Variants in TMEM272 observed in about 807,000 individuals in gnomAD.
TMEM272 encodes long intergenic non-protein coding RNA 282.
In TMEM272, 8 loss-of-function variants were observed where a neutral mutation model predicts 3.7. That is an observed-to-expected ratio of 2.17 (90% CI 1.27 to 3.91). The LOEUF (loss-of-function observed/expected upper bound fraction) is 3.91. TMEM272 is among the 30% of genes most tolerant of loss of function. TMEM272 has a pLI of 0.00. For missense variants in TMEM272, 166 were observed against 91.5 expected, an observed-to-expected ratio of 1.81 and a Z score of -3.32; for synonymous variants, 63 against 39.8, an observed-to-expected ratio of 1.58 and a Z score of -2.20.
chr13:51,886,702 T>A, the TMEM272 span, among the ~76,000 whole-genome samples: 1 of 152,248 alleles, frequency 6.6e-6, no homozygotes, highest in African/African-American at 2.4e-5. Context: ...TGGGGCAGTA[T>A]CTTGGAGCTG....
chr13:51,904,187 G>T, the TMEM272 span, among the ~76,000 whole-genome samples: 1 of 152,192 alleles, frequency 6.6e-6, no homozygotes, highest in African/African-American at 2.4e-5. Flanking sequence ...GCTTTGCAGT[G>T]ATGATGACAA....
the TMEM272 span, among the ~76,000 whole-genome samples, chr13:51,928,783 G>C: frequency 6.6e-6 from 1 of 152,188 alleles, no homozygotes; most frequent in Non-Finnish European, 1.5e-5. Flanking sequence ...TTTCTGTCCA[G>C]GGGTTTGAGG....
At chr13:51,832,371 T>C (rs1027105584) in intron 2 of TMEM272, among the ~76,000 whole-genome samples, 10 of 152,208 alleles carry the variant, frequency 6.6e-5, no homozygotes, top group African/African-American at 2.4e-4. Context: ...CTGTTTCCTA[T>C]GAATAGCAAG....
At chr13:51,856,646 CA>C in the TMEM272 span, among the ~76,000 whole-genome samples, 1 of 152,064 alleles carries the variant, frequency 6.6e-6, no homozygotes, top group Non-Finnish European at 1.5e-5. Flanking sequence ...TAATTTCAAT[CA>C]TACAAGAAAT....
chr13:51,922,611 TAACA>T, the TMEM272 span, among the ~76,000 whole-genome samples: 1 of 152,148 alleles, frequency 6.6e-6, no homozygotes, highest in African/African-American at 2.4e-5. Flanking sequence ...GTTGCAGCTG[TAACA>T]AACTACTGCA....
the TMEM272 span, among the ~76,000 whole-genome samples, chr13:51,887,139 G>A: frequency 1.3e-5 from 2 of 152,116 alleles, no homozygotes; most frequent in East Asian, 3.8e-4. Flanking sequence ...TCTCCACTGC[G>A]GTAAGTCTCA....
intron 3 of TMEM272, 140 bp from the exon 4 acceptor site, chr13:51,822,277 C>G: frequency 1.7e-6 from 1 of 585,302 alleles, no homozygotes. Flanking sequence ...CTCAGCCTCA[C>G]CAGTCACCTG....
At chr13:51,843,396 G>T (rs1397370087) in intron 1 of TMEM272, among the ~76,000 whole-genome samples, 1 of 152,140 alleles carries the variant, frequency 6.6e-6, no homozygotes, top group African/African-American at 2.4e-5. Flanking sequence ...ACAAAAAACT[G>T]CACGTTCCTT....
At chr13:51,932,361 G>C in the TMEM272 span, 1 of 152,266 alleles carries the variant, frequency 6.6e-6, no homozygotes, top group Non-Finnish European at 1.5e-5. Context: ...CCCTAGAACA[G>C]AGGGGTGCAA....
chr13:51,829,315 C>T lies in TMEM272; in HGVS notation c.59-2690G>A, dbSNP rs1472972692. On this transcript the variant is annotated intron_variant, in intron 2 of 4. Coordinates refer to ENST00000629372, the MANE Select transcript of TMEM272 (RefSeq NM_001351003.2). ...TGATATTAAACAGCAAATAAAAAGGCCAAAAGAGAGACTGCAGAAGAAAGG... is the reference window on the plus strand; with the variant it reads ...TGATATTAAACAGCAAATAAAAAGGTCAAAAGAGAGACTGCAGAAGAAAGG... 2.0e-5 allele frequency among the ~76,000 whole-genome samples: 3 copies of T among 152,020 alleles called. No homozygotes were observed. In the East Asian group the frequency reaches 5.8e-4, roughly 29 times the overall value.
the TMEM272 span, among the ~76,000 whole-genome samples, chr13:51,868,519 A>C: frequency 6.6e-6 from 1 of 152,270 alleles, no homozygotes; most frequent in African/African-American, 2.4e-5. Context: ...TAACATTCAC[A>C]GAAACATCTC....
At chr13:51,866,248 C>CT in the TMEM272 span, 11 of 601,780 alleles carry the variant, frequency 1.8e-5, no homozygotes, top group African/African-American at 1.9e-4. Context: ...TTGAGGAAGG[C>CT]TGGCTGCATT....
chr13:51,892,818 C>T, the TMEM272 span, among the ~76,000 whole-genome samples: 2 of 152,118 alleles, frequency 1.3e-5, no homozygotes, highest in East Asian at 1.9e-4. Context: ...TTTGTTCCTC[C>T]GTCCTAGCAG....
the TMEM272 span, among the ~76,000 whole-genome samples, chr13:51,917,219 G>A: frequency 2.6e-5 from 4 of 152,154 alleles, no homozygotes; most frequent in Non-Finnish European, 5.9e-5. Context: ...GTGGACCAGC[G>A]ACATCCCAGG....
At chr13:51,862,531 G>A in the TMEM272 span, among the ~76,000 whole-genome samples, 5 of 152,096 alleles carry the variant, frequency 3.3e-5, no homozygotes, top group South Asian at 2.1e-4. Flanking sequence ...CCCAGTAGAC[G>A]CCCATTCATC....
chr13:51,816,944 T>C lies in TMEM272; in HGVS notation c.371A>G (p.Tyr124Cys). 1 of 702,956 alleles carries C rather than the reference T, an allele frequency of 1.4e-6. No individual in the cohort carries two copies. Among genetic ancestry groups the C allele is most frequent in the South Asian group, 1.5e-5 (1 of 67,588 alleles). The allele number at this position is 702,956 out of a possible 1,614,324, so 43.5% of individuals were successfully genotyped here. A position where few individuals can be genotyped will look rare whatever the true frequency, so the allele number is the denominator to read the frequency against. The stretch of plus-strand genomic sequence containing the variant: ...AGGCAGGTACACAGAAAAGACCCAG[T>C]AGTTTCCCAGGATGAACCAGAGGAA... The part of the protein sequence containing the change: ...FLFLWFILGN[Y>C]WVFSVYLPDF... The change falls in exon 5 of 5, where the codon TAC becomes TGC. Residue 124 changes from tyrosine to cysteine, a missense_variant. Transcript: ENST00000629372.
At chr13:51,916,596 G>A in the TMEM272 span, among the ~76,000 whole-genome samples, 49 of 152,296 alleles carry the variant, frequency 3.2e-4, no homozygotes, top group African/African-American at 1.0e-3. Context: ...CCAGCCATCC[G>A]AGCATGGACT....
At chr13:51,922,762 C>G in the TMEM272 span, among the ~76,000 whole-genome samples, 2 of 152,188 alleles carry the variant, frequency 1.3e-5, no homozygotes, top group African/African-American at 4.8e-5. Flanking sequence ...AGGATCTATT[C>G]CTCGCCTCTT....
the TMEM272 span, among the ~76,000 whole-genome samples, chr13:51,921,890 TC>T: frequency 2.0e-5 from 3 of 152,186 alleles, no homozygotes; most frequent in Non-Finnish European, 4.4e-5. Flanking sequence ...CTCATCAGTA[TC>T]CCTCCCCACC....
Sources: allele counts gnomAD v4.1 joint callset (sites outside exome capture counted in the v4.1 genomes callset), GRCh38; gene constraint gnomAD v4.1.1; transcripts MANE v1.5; gene names NCBI Gene and HGNC (gene_info 2026-07-23, HGNC 2026-07-21).